Variants in RIMS2 observed in about 807,000 individuals in gnomAD.
The protein encoded by RIMS2 is regulating synaptic membrane exocytosis protein 2.
Under a neutral mutation model 174.4 loss-of-function variants are expected in RIMS2, and 59 were observed. That is an observed-to-expected ratio of 0.34 (90% CI 0.27 to 0.42). The LOEUF is 0.42. Ranked by LOEUF, RIMS2 falls within the 10% of genes least tolerant of loss-of-function variation. The pLI is 1.00. For synonymous variants in RIMS2, 606 were observed against 572.5 expected (o/e 1.06, Z -0.84); for missense variants, 1,620 against 1,666.3 (o/e 0.97, Z 0.48).
At chr8:103,679,978 G>A (rs2096859314) in intron 1 of RIMS2, among the ~76,000 whole-genome samples, 1 of 152,120 alleles carries the variant, frequency 6.6e-6, no homozygotes, top group South Asian at 2.1e-4. Context: ...GCATCGCAGT[G>A]GCAGAGTTGA....
rs760607906 is a variant in RIMS2 at position 104,121,425 on chromosome 8, G to A, written c.3334+106810G>A. On this transcript the variant is annotated intron_variant, in intron 19 of 23. Coordinates refer to ENST00000504942, the Ensembl canonical transcript of RIMS2. ...AGCATGTGGTATATCATCTCAGACC[G>A]TTACCTTTTTCTTAATGGTAATATT... is the stretch of plus-strand genomic sequence containing the variant. 2.5e-4 allele frequency among the ~76,000 whole-genome samples: 38 copies of A among 151,930 alleles called. 1 individual carries two copies. The highest frequency in any genetic ancestry group is 3.7e-4 in the Non-Finnish European group (25 of 67,990).
At position 104,082,012 on chromosome 8, in the gene RIMS2, TTCTC is replaced by T. The variant is rs903354084; in HGVS notation, c.3334+67405_3334+67408del. ...TCAGTGGTCATTCAGTGGTCATTCA[TTCTC>T]TCTCTCTTACCTGCAAGTCAGAACT... On this transcript the variant is annotated intron_variant, in intron 19 of 23. Coordinates refer to ENST00000504942, the Ensembl canonical transcript of RIMS2. Among the ~76,000 whole-genome samples, 3 of 152,036 alleles carry T rather than the reference TTCTC, an allele frequency of 2.0e-5. No individual in the cohort carries two copies. In the East Asian group the frequency reaches 5.8e-4, roughly 29 times the overall value.
At chr8:103,740,142 A>G (rs1438078493) in intron 2 of RIMS2, among the ~76,000 whole-genome samples, 1 of 152,214 alleles carries the variant, frequency 6.6e-6, no homozygotes, top group Non-Finnish European at 1.5e-5. Context: ...GTTCAGTAAT[A>G]TGTAGCTTTT....
chr8:103,569,389 GA>G (rs887400503), intron 1 of RIMS2, among the ~76,000 whole-genome samples: 3 of 152,014 alleles, frequency 2.0e-5, no homozygotes, highest in Non-Finnish European at 4.4e-5. Flanking sequence ...GAACTGATCT[GA>G]AAAAAAGCTA....
At chr8:104,058,735 TA>T (rs1263215879) in intron 19 of RIMS2, among the ~76,000 whole-genome samples, 1 of 152,218 alleles carries the variant, frequency 6.6e-6, no homozygotes, top group Non-Finnish European at 1.5e-5. Flanking sequence ...CATCTTGAAT[TA>T]ATTTTTGTAT....
At chr8:103,880,190 C>A (rs537284437) in intron 3 of RIMS2, among the ~76,000 whole-genome samples, 3 of 151,752 alleles carry the variant, frequency 2.0e-5, no homozygotes, top group Admixed American at 1.3e-4. Flanking sequence ...TTATCAATAA[C>A]AAGCACATAG....
chr8:104,140,019 T>G (rs2098553097), intron 19 of RIMS2, among the ~76,000 whole-genome samples: 1 of 152,212 alleles, frequency 6.6e-6, no homozygotes, highest in Non-Finnish European at 1.5e-5. Flanking sequence ...GTTGAAATTA[T>G]CATATGGTTT....
chr8:103,981,092 G>A (rs1229503261), intron 16 of RIMS2, among the ~76,000 whole-genome samples: 2 of 152,292 alleles, frequency 1.3e-5, no homozygotes, highest in South Asian at 2.1e-4. Flanking sequence ...ATAGGTGATA[G>A]TAGCCAAGTA....
At chr8:103,733,801 G>A (rs2097644653) in intron 2 of RIMS2, among the ~76,000 whole-genome samples, 1 of 152,078 alleles carries the variant, frequency 6.6e-6, no homozygotes, top group South Asian at 2.1e-4. Flanking sequence ...ACTTGGGGAG[G>A]GGTGGTGTAG....
chr8:103,997,262 GA>G (rs1195319827), intron 17 of RIMS2, among the ~76,000 whole-genome samples: 1 of 151,724 alleles, frequency 6.6e-6, no homozygotes, highest in Non-Finnish European at 1.5e-5. Context: ...TGCAGTTGAG[GA>G]AGGGAATAAT....
intron 19 of RIMS2, among the ~76,000 whole-genome samples, chr8:104,072,787 G>A (rs2097217107): frequency 6.6e-6 from 1 of 152,044 alleles, no homozygotes; most frequent in East Asian, 1.9e-4. Context: ...CACTTTGAAA[G>A]CATCTATAGA....
At chr8:104,230,430 G>A (rs1011875545) in intron 19 of RIMS2, among the ~76,000 whole-genome samples, 2 of 152,138 alleles carry the variant, frequency 1.3e-5, no homozygotes, top group Admixed American at 1.3e-4. Context: ...TGGATCGCCT[G>A]AGGTCAGGAA....
rs6984190 is a variant in RIMS2, at chr8:104,049,612, C to A, written c.3334+34997C>A. 6.8e-3 allele frequency among the ~76,000 whole-genome samples: 1,035 copies of A among 152,158 alleles called. 15 individuals carry two copies. Among genetic ancestry groups the A allele is most frequent in the African/African-American group, 0.024 (976 of 41,498 alleles). On this transcript the variant is annotated intron_variant, in intron 19 of 23. Coordinates refer to ENST00000504942, the Ensembl canonical transcript of RIMS2. ...CTAATTTCTCCAATCTCAGTTTCATCATTGTTAAAAAAATGAGGTTGAGGG... is the reference window on the plus strand; with the variant it reads ...CTAATTTCTCCAATCTCAGTTTCATAATTGTTAAAAAAATGAGGTTGAGGG...
chr8:103,778,227 A>C (rs2098340533), intron 3 of RIMS2, among the ~76,000 whole-genome samples: 1 of 152,026 alleles, frequency 6.6e-6, no homozygotes, highest in African/African-American at 2.4e-5. Context: ...GGTAGTTGGG[A>C]TATCCATTAC....
chr8:103,688,860 C>CTT (rs72544684), intron 1 of RIMS2, among the ~76,000 whole-genome samples: 1 of 6,406 alleles, frequency 1.6e-4, no homozygotes, highest in East Asian at 0.012. Context: ...CTGATTTCTG[C>CTT]TGATACGTAT....
intron 1 of RIMS2, among the ~76,000 whole-genome samples, chr8:103,606,593 C>G (rs1227571017): frequency 6.6e-6 from 1 of 152,094 alleles, no homozygotes. Flanking sequence ...CTAATATTGA[C>G]AGTGGGGTGT....
At chr8:103,951,615 G>A (rs1189375130) in intron 14 of RIMS2, among the ~76,000 whole-genome samples, 1 of 152,218 alleles carries the variant, frequency 6.6e-6, no homozygotes, top group Non-Finnish European at 1.5e-5. Flanking sequence ...CAGACCAGGA[G>A]ATTCACTGCA....
chr8:104,145,678 T>C (rs1566672174), intron 19 of RIMS2, among the ~76,000 whole-genome samples: 1 of 142,496 alleles, frequency 7.0e-6, no homozygotes, highest in Non-Finnish European at 1.5e-5. Flanking sequence ...ATACAATAAA[T>C]AAATAAATAA....
intron 19 of RIMS2, among the ~76,000 whole-genome samples, chr8:104,099,286 G>A (rs1427369894): frequency 6.6e-6 from 1 of 152,052 alleles, no homozygotes; most frequent in Non-Finnish European, 1.5e-5. Context: ...CTGGAAGTGT[G>A]TTTCAGTGCC....
Sources: allele counts gnomAD v4.1 joint callset (sites outside exome capture counted in the v4.1 genomes callset), GRCh38; gene constraint gnomAD v4.1.1; transcripts MANE v1.5; gene names NCBI Gene and HGNC (gene_info 2026-07-23, HGNC 2026-07-21).